GDAP2: variants seen among roughly 807,000 people sequenced by gnomAD.
The protein encoded by GDAP2 is ganglioside-induced differentiation-associated protein 2.
GDAP2 carries 51 observed loss-of-function variants against 67.0 expected under a neutral mutation model. That is an observed-to-expected ratio of 0.76 (90% CI 0.61 to 0.96). The LOEUF is 0.96. Ranked by LOEUF, GDAP2 falls within the 40% of genes least tolerant of loss-of-function variation. The pLI is 0.00. For synonymous variants in GDAP2, 203 were observed against 207.3 expected, an observed-to-expected ratio of 0.98 and a Z score of 0.18; for missense variants, 547 against 588.3, an observed-to-expected ratio of 0.93 and a Z score of 0.73.
intron 12 of GDAP2, among the ~76,000 whole-genome samples, chr1:117,879,418 A>G (rs1480535586): frequency 2.0e-5 from 3 of 152,156 alleles, no homozygotes; most frequent in African/African-American, 7.2e-5. Context: ...AAGATGCCTA[A>G]GTAGAGATAT....
At chr1:117,912,168 T>C (rs1230621511) in intron 4 of GDAP2, 86 bp from the exon 5 acceptor site, 1 of 806,250 alleles carries the variant, frequency 1.2e-6, no homozygotes, top group African/African-American at 1.7e-5. Context: ...AAAATCTAGC[T>C]CAACTTCTCC....
At chr1:117,915,586 T>C (rs1330745998) in intron 3 of GDAP2, among the ~76,000 whole-genome samples, 2 of 152,198 alleles carry the variant, frequency 1.3e-5, no homozygotes, top group African/African-American at 4.8e-5. Flanking sequence ...ATGTACATGA[T>C]TACCTTATTT....
chr1:117,920,070 T>C (rs373721978), intron 2 of GDAP2, 112 bp downstream of exon 2: 6 of 629,698 alleles, frequency 9.5e-6, no homozygotes, highest in East Asian at 5.2e-5. Flanking sequence ...AATAAAGTCA[T>C]ATACGTATAC....
chr1:117,917,162 T>C (rs1431369824), intron 3 of GDAP2, among the ~76,000 whole-genome samples: 6 of 152,202 alleles, frequency 3.9e-5, no homozygotes, highest in Non-Finnish European at 8.8e-5. Flanking sequence ...TTAATATTCA[T>C]CTCTGTTAAT....
Position 117,886,228 on chromosome 1 carries a change from T to C in GDAP2, c.1107+349A>G, listed in dbSNP as rs1256449495. 2.6e-5 allele frequency among the ~76,000 whole-genome samples: 4 copies of C among 152,318 alleles called. No individual in the cohort carries two copies. In the East Asian group the frequency reaches 5.8e-4, roughly 22 times the overall value. On this transcript the variant is annotated intron_variant, in intron 10 of 13. Transcript: ENST00000369443. ...ACATTTCTGTTTTTTTCTCTTCTAA[T>C]AGATACTCAAACATTAATTTTTCTT...
chr1:117,902,964 T>C (rs1190310981), intron 6 of GDAP2, among the ~76,000 whole-genome samples: 1 of 152,246 alleles, frequency 6.6e-6, no homozygotes, highest in African/African-American at 2.4e-5. Flanking sequence ...GTTTTAAATG[T>C]ACAAATCTTA....
chr1:117,917,263 T>C (rs1650081679), intron 3 of GDAP2, among the ~76,000 whole-genome samples: 1 of 152,174 alleles, frequency 6.6e-6, no homozygotes, highest in African/African-American at 2.4e-5. Flanking sequence ...CTTTCTATCA[T>C]CTAGAAATTT....
chr1:117,881,628 T>C (rs1027540347), intron 12 of GDAP2, among the ~76,000 whole-genome samples, 195 bp downstream of exon 12: 3 of 152,114 alleles, frequency 2.0e-5, no homozygotes, highest in Non-Finnish European at 4.4e-5. Context: ...TAACGGCTTA[T>C]AAGGGTTGCC....
intron 8 of GDAP2, 104 bp downstream of exon 8, chr1:117,896,729 A>AT (rs1179151625): frequency 6.1e-6 from 4 of 656,172 alleles, no homozygotes; most frequent in Non-Finnish European, 9.7e-6. Flanking sequence ...TGAAAAATAA[A>AT]TTGGAATGCA....
At chr1:117,885,888 G>A (rs1204541119) in intron 10 of GDAP2, among the ~76,000 whole-genome samples, 2 of 152,070 alleles carry the variant, frequency 1.3e-5, no homozygotes, top group African/African-American at 4.8e-5. Flanking sequence ...TCCCTTGTAT[G>A]AGTATTCTGA....
At chr1:117,913,979 C>T (rs1649959236) in intron 3 of GDAP2, among the ~76,000 whole-genome samples, 1 of 152,094 alleles carries the variant, frequency 6.6e-6, no homozygotes, top group Non-Finnish European at 1.5e-5. Flanking sequence ...GGAAGACAGC[C>T]CTTAGCAGAA....
At chr1:117,883,207 AT>A (rs1380587196) in intron 11 of GDAP2, 5 of 214,868 alleles carry the variant, frequency 2.3e-5, no homozygotes, top group Middle Eastern at 1.8e-3. Context: ...TTATAAATGT[AT>A]TTTGATAAGT....
At chr1:117,889,283 A>G (rs1018266605) in intron 8 of GDAP2, among the ~76,000 whole-genome samples, 1 of 152,122 alleles carries the variant, frequency 6.6e-6, no homozygotes, top group South Asian at 2.1e-4. Context: ...AATCAAGCTA[A>G]TGAACATATC....
intron 1 of GDAP2, among the ~76,000 whole-genome samples, chr1:117,920,737 GAAA>G (rs34582428): frequency 8.3e-6 from 1 of 120,284 alleles, no homozygotes. Flanking sequence ...GCCTACTATT[GAAA>G]AAAAAAAAAA....
In GDAP2 at chr1:117,896,822, G is replaced by C; in HGVS notation, c.953+11C>G. ...CCTTATGTATCTAACAGTCCTGAAG[G>C]GTTGTCTTACTTTCTTTGATGCTGC... On this transcript the variant is annotated intron_variant, in intron 8 of 13. Coordinates refer to ENST00000369443, the MANE Select transcript of GDAP2 (RefSeq NM_017686.4). The C allele has an allele frequency of 6.2e-7, 1 of 1,600,988 alleles. No homozygotes were observed. Among genetic ancestry groups the C allele is most frequent in the Non-Finnish European group, 8.5e-7 (1 of 1,172,166 alleles).
chr1:117,926,479 A>C (rs1416358570), intron 1 of GDAP2, among the ~76,000 whole-genome samples: 3 of 152,210 alleles, frequency 2.0e-5, no homozygotes, highest in African/African-American at 7.2e-5. Context: ...TGTAGGACAA[A>C]ATTTAATGGC....
intron 8 of GDAP2, among the ~76,000 whole-genome samples, chr1:117,890,086 G>A (rs191281462): frequency 5.3e-5 from 8 of 152,016 alleles, no homozygotes; most frequent in Non-Finnish European, 8.8e-5. Flanking sequence ...ATTACAGTAC[G>A]AAGAAAATTA....
At chr1:117,890,180 T>C (rs906013644) in intron 8 of GDAP2, among the ~76,000 whole-genome samples, 12 of 151,966 alleles carry the variant, frequency 7.9e-5, no homozygotes, top group Non-Finnish European at 1.6e-4. Context: ...GGACTGGTGG[T>C]GGGGAAGGAG....
intron 13 of GDAP2, among the ~76,000 whole-genome samples, chr1:117,874,774 A>G (rs1648398205): frequency 6.6e-6 from 1 of 152,222 alleles, no homozygotes; most frequent in Non-Finnish European, 1.5e-5. Flanking sequence ...CAGACAGTAA[A>G]GGCCATGCTG....
Sources: gnomAD v4.1 joint callset for allele counts (sites outside exome capture counted in the v4.1 genomes callset) on GRCh38, gnomAD v4.1.1 for gene constraint, MANE v1.5 for transcripts, NCBI Gene and HGNC (gene_info 2026-07-23, HGNC 2026-07-21) for gene names.